GNAT3: variants seen among roughly 807,000 people sequenced by gnomAD.
GNAT3 encodes the protein guanine nucleotide-binding protein G(t) subunit alpha-3.
A neutral mutation model predicts 37.7 loss-of-function variants in GNAT3; 31 were observed. That is an observed-to-expected ratio of 0.82 (90% CI 0.62 to 1.11). The LOEUF (loss-of-function observed/expected upper bound fraction) is 1.11. Among genes scored for constraint, GNAT3 ranks in the 50% most tolerant of loss-of-function variants. GNAT3 has a pLI of 0.00. For missense variants in GNAT3, 437 were observed against 412.5 expected (o/e 1.06, Z -0.51); for synonymous variants, 138 against 139.8 (o/e 0.99, Z 0.09).
intron 1 of GNAT3, among the ~76,000 whole-genome samples, chr7:80,497,863 A>AGAT (rs1382462659): frequency 2.0e-5 from 3 of 152,156 alleles, no homozygotes; most frequent in Admixed American, 2.0e-4. Flanking sequence ...TTTATTTAAA[A>AGAT]GATGATATAA....
At chr7:80,509,525 T>C (rs577294975) in intron 1 of GNAT3, among the ~76,000 whole-genome samples, 2 of 152,252 alleles carry the variant, frequency 1.3e-5, no homozygotes, top group East Asian at 3.9e-4. Context: ...CACTAATGAT[T>C]CTTTTATACT....
chr7:80,505,009 A>G (rs941281105), intron 1 of GNAT3, among the ~76,000 whole-genome samples: 3 of 152,220 alleles, frequency 2.0e-5, no homozygotes, highest in Admixed American at 2.0e-4. Context: ...GTTTTATTCT[A>G]CAACATCTGG....
intron 7 of GNAT3, among the ~76,000 whole-genome samples, chr7:80,459,138 A>C (rs1790005770): frequency 6.6e-6 from 1 of 152,116 alleles, no homozygotes; most frequent in Non-Finnish European, 1.5e-5. Flanking sequence ...TTACGTATAC[A>C]TCAAACACTG....
At chr7:80,488,063 CT>C (rs200305777) in intron 3 of GNAT3, among the ~76,000 whole-genome samples, 1 of 151,978 alleles carries the variant, frequency 6.6e-6, no homozygotes, top group Admixed American at 6.6e-5. Flanking sequence ...AATTTGAATT[CT>C]TTTTTAAAAA....
At chr7:80,493,446 C>A (rs1250253448) in intron 2 of GNAT3, among the ~76,000 whole-genome samples, 1 of 152,144 alleles carries the variant, frequency 6.6e-6, no homozygotes, top group Non-Finnish European at 1.5e-5. Flanking sequence ...ATGAGATTAT[C>A]ACATAAAAGG....
chr7:80,488,396 C>A, intron 3 of GNAT3, 139 bp downstream of exon 3: 1 of 625,858 alleles, frequency 1.6e-6, no homozygotes, highest in Non-Finnish European at 2.6e-6. Flanking sequence ...TTACACAAAA[C>A]AGAATTAATG....
intron 5 of GNAT3, among the ~76,000 whole-genome samples, chr7:80,465,636 C>T (rs1237922234): frequency 6.6e-6 from 1 of 152,072 alleles, no homozygotes; most frequent in Non-Finnish European, 1.5e-5. Context: ...ACAACTAGTA[C>T]TAGTGCCTGC....
chr7:80,497,563 T>TACGTATATACATAC (rs1790741934), intron 1 of GNAT3, among the ~76,000 whole-genome samples: 1 of 142,520 alleles, frequency 7.0e-6, no homozygotes, highest in African/African-American at 2.7e-5. Context: ...TATATACATA[T>TACGTATATACATAC]ACGTATATAC....
At chr7:80,492,973 T>C (rs1790621837) in intron 2 of GNAT3, among the ~76,000 whole-genome samples, 1 of 152,082 alleles carries the variant, frequency 6.6e-6, no homozygotes, top group Non-Finnish European at 1.5e-5. Flanking sequence ...ATTCATAGCC[T>C]ATCCCCATTT....
chr7:80,461,925 C>A (rs1790057131), intron 7 of GNAT3, among the ~76,000 whole-genome samples: 1 of 152,144 alleles, frequency 6.6e-6, no homozygotes, highest in African/African-American at 2.4e-5. Context: ...AGAGTAGCAA[C>A]CCTGGTCCAT....
chr7:80,511,548 T>C (rs149094691), intron 1 of GNAT3, among the ~76,000 whole-genome samples: 122 of 152,256 alleles, frequency 8.0e-4, no homozygotes, highest in Non-Finnish European at 1.2e-3. Flanking sequence ...TTTATTTTAA[T>C]AATAGTAAAC....
At chr7:80,475,732 A>G (rs1166653215) in intron 4 of GNAT3, among the ~76,000 whole-genome samples, 1 of 152,160 alleles carries the variant, frequency 6.6e-6, no homozygotes. Context: ...CATTATTAAT[A>G]TAGGTAATTT....
At chr7:80,473,079 G>A (rs756162698) in intron 5 of GNAT3, among the ~76,000 whole-genome samples, 4 of 152,154 alleles carry the variant, frequency 2.6e-5, no homozygotes, top group Non-Finnish European at 4.4e-5. Flanking sequence ...TCAAAGGTGA[G>A]GAGTCTGAAG....
At chr7:80,503,015 A>C (rs1790864741) in intron 1 of GNAT3, among the ~76,000 whole-genome samples, 1 of 152,114 alleles carries the variant, frequency 6.6e-6, no homozygotes, top group African/African-American at 2.4e-5. Flanking sequence ...CTCCTCATTA[A>C]ATCTTTGAGC....
intron 5 of GNAT3, among the ~76,000 whole-genome samples, chr7:80,473,737 A>G (rs1244642718): frequency 1.3e-5 from 2 of 152,154 alleles, no homozygotes; most frequent in Non-Finnish European, 2.9e-5. Flanking sequence ...CAATGAAAAT[A>G]ATGATTCATT....
intron 5 of GNAT3, among the ~76,000 whole-genome samples, chr7:80,469,391 GT>G (rs1460954588): frequency 6.6e-6 from 1 of 152,066 alleles, no homozygotes; most frequent in East Asian, 1.9e-4. Context: ...ACATGTCTAA[GT>G]TATTTGTTCT....
chr7:80,479,523 C>T (rs11769919), intron 3 of GNAT3, among the ~76,000 whole-genome samples: 9,729 of 151,584 alleles, frequency 0.064, 355 homozygotes, highest in East Asian at 0.1. Context: ...AGTCTGAGAC[C>T]AGCCTGGGCA....
At chr7:80,493,003 T>C (rs2116201813) in intron 2 of GNAT3, among the ~76,000 whole-genome samples, 1 of 152,196 alleles carries the variant, frequency 6.6e-6, no homozygotes, top group African/African-American at 2.4e-5. Flanking sequence ...GGGAAGCTTA[T>C]TGTTTTACTT....
At chr7:80,483,100 A>G (rs1790418614) in intron 3 of GNAT3, among the ~76,000 whole-genome samples, 1 of 152,066 alleles carries the variant, frequency 6.6e-6, no homozygotes, top group Non-Finnish European at 1.5e-5. Context: ...GTGTACCCTT[A>G]AAAGTACTGA....
Sources: allele counts gnomAD v4.1 joint callset (sites outside exome capture counted in the v4.1 genomes callset), GRCh38; gene constraint gnomAD v4.1.1; transcripts MANE v1.5; gene names NCBI Gene and HGNC (gene_info 2026-07-23, HGNC 2026-07-21).